The following ZCWPW2 variants were observed in gnomAD, a reference collection of about 807,000 sequenced individuals.
ZCWPW2 encodes zinc finger CW-type PWWP domain protein 2.
In ZCWPW2, 45 loss-of-function variants were observed where a neutral mutation model predicts 46.6. The observed-to-expected ratio is 0.96, with a 90% CI of 0.76 to 1.24. The LOEUF (loss-of-function observed/expected upper bound fraction) is 1.24. ZCWPW2 is among the 50% of genes most tolerant of loss of function. The pLI is 0.00. For synonymous variants in ZCWPW2, 152 were observed against 137.1 expected (o/e 1.11, Z -0.76); for missense variants, 429 against 403.9 (o/e 1.06, Z -0.53).
chr3:28,351,645 ATTT>A (rs1485181956), intron 1 of ZCWPW2: 1 of 151,540 alleles, frequency 6.6e-6, no homozygotes, highest in Non-Finnish European at 1.5e-5. Flanking sequence ...TTTTAAGAAA[ATTT>A]TTTAAGTGAA....
intron 3 of ZCWPW2, among the ~76,000 whole-genome samples, chr3:28,423,508 A>G (rs1258916507): frequency 6.6e-6 from 1 of 151,530 alleles, no homozygotes; most frequent in Non-Finnish European, 1.5e-5. Flanking sequence ...CTGGGACTAC[A>G]GGTGCCTGCT....
At chr3:28,496,674 A>G (rs1699999620) in intron 6 of ZCWPW2, among the ~76,000 whole-genome samples, 1 of 152,032 alleles carries the variant, frequency 6.6e-6, no homozygotes, top group Non-Finnish European at 1.5e-5. Context: ...CCTGTTTTAT[A>G]TAAAATATTA....
At chr3:28,367,356 G>A (rs547259474) in intron 1 of ZCWPW2, among the ~76,000 whole-genome samples, 6 of 152,200 alleles carry the variant, frequency 3.9e-5, no homozygotes, top group East Asian at 1.9e-4. Context: ...CTTTGTTCTC[G>A]TTTGTTTCAA....
intron 4 of ZCWPW2, among the ~76,000 whole-genome samples, chr3:28,437,308 TAA>T (rs1697541505): frequency 6.6e-6 from 1 of 152,218 alleles, no homozygotes; most frequent in Non-Finnish European, 1.5e-5. Flanking sequence ...CATTTTCCTC[TAA>T]ATTAATTCTT....
chr3:28,485,069 T>C (rs1393386158), intron 5 of ZCWPW2, among the ~76,000 whole-genome samples: 3 of 152,088 alleles, frequency 2.0e-5, no homozygotes, highest in African/African-American at 4.8e-5. Flanking sequence ...TTGCTTTTGC[T>C]GCATCCCATG....
At chr3:28,509,194 T>C (rs187686745) in intron 6 of ZCWPW2, among the ~76,000 whole-genome samples, 62 of 152,306 alleles carry the variant, frequency 4.1e-4, no homozygotes, top group African/African-American at 1.4e-3. Context: ...GGCTGAATAA[T>C]ATTTCATTAT....
rs560108049 is a variant in ZCWPW2, at chr3:28,467,259, A to G, written c.493-11555A>G. Among the ~76,000 whole-genome samples the G allele has an allele frequency of 1.7e-4, 25 of 149,996 alleles. 1 individual carries two copies. Among genetic ancestry groups the G allele is most frequent in the African/African-American group, 5.8e-4 (23 of 39,436 alleles). On this transcript the variant is annotated intron_variant, in intron 4 of 9. Coordinates refer to ENST00000383768, the MANE Select transcript of ZCWPW2 (RefSeq NM_001040432.4). ...GGAAGAAAGACTTACATGAACAAAA[A>G]AGAAAACACAAAAGTACTAAAATAC...
intron 4 of ZCWPW2, among the ~76,000 whole-genome samples, chr3:28,463,043 TC>T (rs1235097442): frequency 6.6e-6 from 1 of 152,224 alleles, no homozygotes; most frequent in African/African-American, 2.4e-5. Flanking sequence ...AGCATTATCT[TC>T]TCTGTCTAGC....
At chr3:28,400,094 A>T (rs1264626755) in intron 2 of ZCWPW2, among the ~76,000 whole-genome samples, 1 of 152,180 alleles carries the variant, frequency 6.6e-6, no homozygotes, top group African/African-American at 2.4e-5. Context: ...AAAAACAATC[A>T]AAACTTCAGG....
Position 28,377,262 on chromosome 3 carries a change from T to C in ZCWPW2, c.-133-13236T>C, listed in dbSNP as rs185287043. Among the ~76,000 whole-genome samples the C allele has an allele frequency of 9.5e-4, 145 of 152,210 alleles. 1 individual carries two copies. The highest frequency in any genetic ancestry group is 2.5e-3 in the African/African-American group (102 of 41,560). ...ATTTAAAACTACTTCCATTTTTACA[T>C]TCTAATTTTAAAACTTGTGGTAGAG... On this transcript the variant is annotated intron_variant, in intron 1 of 9. Coordinates refer to ENST00000383768, the MANE Select transcript of ZCWPW2 (RefSeq NM_001040432.4).
intron 1 of ZCWPW2, among the ~76,000 whole-genome samples, chr3:28,356,501 T>C (rs1019047333): frequency 6.6e-6 from 1 of 152,248 alleles, no homozygotes; most frequent in Non-Finnish European, 1.5e-5. Flanking sequence ...ATCCCATTAC[T>C]GGGTATATAC....
At chr3:28,412,666 T>G (rs1038331666) in intron 2 of ZCWPW2, among the ~76,000 whole-genome samples, 1 of 152,040 alleles carries the variant, frequency 6.6e-6, no homozygotes, top group African/African-American at 2.4e-5. Context: ...GCCATGTGTA[T>G]AAAGCACTTA....
intron 2 of ZCWPW2, among the ~76,000 whole-genome samples, chr3:28,411,167 C>T (rs1010025956): frequency 2.0e-5 from 3 of 151,740 alleles, no homozygotes; most frequent in Non-Finnish European, 4.4e-5. Flanking sequence ...ATATTAAAAA[C>T]TTATGAGGCA....
chr3:28,378,483 A>G (rs1705569766), intron 1 of ZCWPW2, among the ~76,000 whole-genome samples: 1 of 152,092 alleles, frequency 6.6e-6, no homozygotes. Context: ...TGGGTTTCAT[A>G]TGCTGCTTAA....
rs189899508 is a variant in ZCWPW2 at position 28,359,739 on chromosome 3, A to G, written c.-134+10536A>G. On this transcript the variant is annotated intron_variant, in intron 1 of 9. Transcript: ENST00000383768. Reference sequence around the variant, plus strand: ...TCAACTATAAAATGTAGCATTAGGCATATTTATGAGATACGTTCATGAAAC... The same window carrying G: ...TCAACTATAAAATGTAGCATTAGGCGTATTTATGAGATACGTTCATGAAAC... Among the ~76,000 whole-genome samples, 741 of 152,270 alleles carry G rather than the reference A, an allele frequency of 4.9e-3. 9 individuals carry two copies. Among genetic ancestry groups the G allele is most frequent in the African/African-American group, 0.017 (691 of 41,580 alleles).
intron 1 of ZCWPW2, among the ~76,000 whole-genome samples, chr3:28,386,313 GCCAGAAAGAGAGCCCTCA>G (rs1354074643): frequency 6.6e-6 from 1 of 152,134 alleles, no homozygotes; most frequent in African/African-American, 2.4e-5. Flanking sequence ...CAGTCCGCAA[GCCAGAAAGAGAGCCCTCA>G]CCAGAAACAA....
chr3:28,351,449 T>C (rs1704545831), intron 1 of ZCWPW2: 1 of 151,434 alleles, frequency 6.6e-6, no homozygotes, highest in African/African-American at 2.4e-5. Context: ...ATATGGGCCC[T>C]AGTACAACTT....
intron 1 of ZCWPW2, among the ~76,000 whole-genome samples, chr3:28,356,106 A>G (rs958243859): frequency 1.3e-5 from 2 of 152,368 alleles, no homozygotes; most frequent in South Asian, 4.1e-4. Flanking sequence ...TACTCATCTG[A>G]CAAAGGGCTA....
intron 1 of ZCWPW2, among the ~76,000 whole-genome samples, chr3:28,381,617 C>G (rs1449304272): frequency 6.6e-6 from 1 of 151,960 alleles, no homozygotes; most frequent in Non-Finnish European, 1.5e-5. Context: ...GAGACTATGT[C>G]TTTACTAAAA....
Sources: allele counts gnomAD v4.1 joint callset (sites outside exome capture counted in the v4.1 genomes callset), GRCh38; gene constraint gnomAD v4.1.1; transcripts MANE v1.5; gene names NCBI Gene and HGNC (gene_info 2026-07-23, HGNC 2026-07-21).